RELA: variants seen among roughly 807,000 people sequenced by gnomAD.
RELA encodes transcription factor p65.
A neutral mutation model predicts 56.7 loss-of-function variants in RELA; 14 were observed. That is an observed-to-expected ratio of 0.25 (90% CI 0.16 to 0.39). The LOEUF (loss-of-function observed/expected upper bound fraction) is 0.39. Among genes scored for constraint, RELA ranks in the 10% least tolerant of loss-of-function variants. The pLI is 1.00. For missense variants in RELA, 559 were observed against 736.4 expected (o/e 0.76, Z 2.79); for synonymous variants, 315 against 289.7 (o/e 1.09, Z -0.89).
At chr11:65,662,703 G>T in intron 1 of RELA, 123 bp downstream of exon 1, 1 of 777,180 alleles carries the variant, frequency 1.3e-6, no homozygotes, top group Non-Finnish European at 1.7e-6. Flanking sequence ...CCATCCGGCA[G>T]GCCGACCGCT....
intron 8 of RELA, among the ~76,000 whole-genome samples, chr11:65,656,291 T>C (rs1042850350): frequency 6.6e-6 from 1 of 152,196 alleles, no homozygotes; most frequent in Admixed American, 6.5e-5. Flanking sequence ...GAGAATTTCT[T>C]GGCACTCTGG....
chr11:65,659,580 G>A (rs1856511606), intron 6 of RELA, 86 bp downstream of exon 6: 11 of 1,502,314 alleles, frequency 7.3e-6, no homozygotes, highest in East Asian at 4.5e-5. Context: ...AAGCCAGAGC[G>A]CCTCTTGCAG....
At position 65,654,703 on chromosome 11, in the gene RELA, T is replaced by C. The variant is rs1490573963; in HGVS notation, c.1331A>G (p.Gln444Arg). ...GTLSEALLQL[Q>R]FDDEDLGALL... is the part of the protein sequence containing the mutation. ...GGCCCCCAGGTCTTCATCATCAAAC[T>C]GCAGCTGCAGCAGGGCCTCTGACAG... Residue 444 changes from glutamine to arginine, a missense_variant, in exon 11 of 11, where the codon CAG (glutamine) becomes CGG (arginine). Gln to Arg is a conservative substitution (Grantham distance 43). Coordinates refer to ENST00000406246, the MANE Select transcript of RELA (RefSeq NM_021975.4). 6.5e-7 allele frequency: 1 copy of C among 1,540,574 alleles called. No homozygotes were observed. The highest frequency in any genetic ancestry group is 2.1e-5 in the Admixed American group (1 of 48,206).
chr11:65,660,143 G>T lies in RELA; in HGVS notation c.408C>A (p.Thr136=), dbSNP rs1565191458. ...CCTCACCTTGGAAGGGGTTGTTGTT[G>T]GTCTGGATGCGCTGACTGATAGCCT... ...LEQAISQRIQ[T]NNNPFQVPIE... The change falls in exon 5 of 11, where the codon ACC becomes ACA. Residue 136 remains threonine (T), a synonymous_variant. Transcript: ENST00000406246. 1 of 1,614,110 alleles carries T rather than the reference G, an allele frequency of 6.2e-7. No individual in the cohort carries two copies. The highest frequency in any genetic ancestry group is 1.7e-5 in the Admixed American group (1 of 60,012).
At position 65,658,528 on chromosome 11, in the gene RELA, C is replaced by T. The variant is rs926660373; in HGVS notation, c.665-29G>A. 8 of 1,552,634 alleles carry T rather than the reference C, an allele frequency of 5.2e-6. No homozygotes were observed. The African/African-American group carries it at 5.4e-5, about 11-fold the overall frequency. The stretch of plus-strand genomic sequence containing the variant: ...CAGGAGATGCGGTGGCAGTGTGGGT[C>T]AGTGTGTCTAACCCTCCATGGTCTC... On this transcript the variant is annotated intron_variant, in intron 7 of 10. Transcript: ENST00000406246. This position sits in a 1 kb window ranked among gnomAD's most constrained non-coding sequence, Gnocchi z 4.5.
chr11:65,662,480 C>T, intron 1 of RELA: 1 of 482,844 alleles, frequency 2.1e-6, no homozygotes, highest in Non-Finnish European at 3.6e-6. Context: ...GGAGGGCACG[C>T]CCCACCTCCC....
chr11:65,662,327 T>A lies in RELA; in HGVS notation c.8-122A>T, dbSNP rs934963581. ...CCAGGGGAACTGAGTCAGGACCTGC[T>A]CCCTAGAACCTGCGGTGAAACTAAG... On this transcript the variant is annotated intron_variant, in intron 1 of 10. Coordinates refer to ENST00000406246, the MANE Select transcript of RELA (RefSeq NM_021975.4). 10 of 1,197,788 alleles carry A rather than the reference T, an allele frequency of 8.3e-6. No homozygotes were observed. In the African/African-American group the frequency reaches 1.6e-4, roughly 19 times the overall value. The allele number at this position is 1,197,788 out of a possible 1,614,324, so 74.2% of individuals were successfully genotyped here.
Position 65,661,920 on chromosome 11 carries a change from C to T in RELA, c.186+17G>A. ...GTTCCACAGTCCCTTCCCCGCACACCCTGGCGCAGTGCTGACCTTGATGGT... is the reference window on the plus strand; with the variant it reads ...GTTCCACAGTCCCTTCCCCGCACACTCTGGCGCAGTGCTGACCTTGATGGT... On this transcript the variant is annotated intron_variant, in intron 3 of 10. Transcript: ENST00000406246. 1.2e-6 allele frequency: 2 copies of T among 1,611,352 alleles called. No individual in the cohort carries two copies. The highest frequency in any genetic ancestry group is 1.1e-5 in the South Asian group (1 of 90,774).
rs1364264206 is a variant in RELA at position 65,654,376 on chromosome 11, C to A, written c.*2G>T. The A allele has an allele frequency of 1.2e-6, 2 of 1,613,630 alleles. No homozygotes were observed. Among genetic ancestry groups the A allele is most frequent in the Non-Finnish European group, 1.7e-6 (2 of 1,179,850 alleles). ...GCTCTGGGGAGGGCAGGCGTCACCCCCTTAGGAGCTGATCTGACTCAGCAG... is the reference window on the plus strand; with the variant it reads ...GCTCTGGGGAGGGCAGGCGTCACCCACTTAGGAGCTGATCTGACTCAGCAG... On this transcript the variant is annotated 3_prime_UTR_variant, in exon 11 of 11. Coordinates refer to ENST00000406246, the MANE Select transcript of RELA (RefSeq NM_021975.4).
rs1856404928 is a variant in RELA, at chr11:65,655,682, C to A, written c.1033+6G>T. On this transcript the variant is annotated splice_donor_region_variant and intron_variant, in intron 10 of 10. Coordinates refer to ENST00000406246, the MANE Select transcript of RELA (RefSeq NM_021975.4). ...TCGTTCCAGTGGGACAAAAGGAAAT[C>A]CTTACCTGGCTTGGGGACAGAAGCT... 1.2e-6 allele frequency: 2 copies of A among 1,610,288 alleles called. No homozygotes were observed. Among genetic ancestry groups the A allele is most frequent in the African/African-American group, 2.7e-5 (2 of 74,874 alleles).
Position 65,659,639 on chromosome 11 carries a change from C to T in RELA, c.559+27G>A. 2.5e-6 allele frequency: 4 copies of T among 1,612,580 alleles called. 2 individuals are homozygous for T. In the South Asian group the frequency reaches 4.4e-5, roughly 18 times the overall value. ...CCTCCTATTCAGGCCCACCCTCTCC[C>T]CTTCCTGCGTCTCCCTCGCTACTCA... On this transcript the variant is annotated intron_variant, in intron 6 of 10. Coordinates refer to ENST00000406246, the MANE Select transcript of RELA (RefSeq NM_021975.4).
At chr11:65,660,495 A>ACTCATTCCCACCTCC in intron 4 of RELA, 2 of 412,904 alleles carry the variant, frequency 4.8e-6, no homozygotes. Context: ...TTCCCACCTC[A>ACTCATTCCCACCTCC]AGGCCTTTGC....
chr11:65,660,564 A>C, intron 4 of RELA: 2 of 270,256 alleles, frequency 7.4e-6, no homozygotes, highest in Non-Finnish European at 7.1e-6. Context: ...CTCACCATTC[A>C]AGTCTTAGCT....
chr11:65,660,965 G>C (rs1184838734), intron 4 of RELA, among the ~76,000 whole-genome samples: 2 of 151,452 alleles, frequency 1.3e-5, no homozygotes, highest in African/African-American at 2.4e-5. Flanking sequence ...CATGAACCCG[G>C]AAGGTGGAGG....
chr11:65,659,880 G>A (rs1856521557), intron 5 of RELA, 83 bp from the exon 6 acceptor site: 4 of 1,498,590 alleles, frequency 2.7e-6, no homozygotes, highest in African/African-American at 1.4e-5. Flanking sequence ...TCTGCGCTGG[G>A]AGGGCCGCTG....
At chr11:65,657,181 G>T (rs1346401461) in intron 8 of RELA, among the ~76,000 whole-genome samples, 1 of 152,138 alleles carries the variant, frequency 6.6e-6, no homozygotes, top group African/African-American at 2.4e-5. Flanking sequence ...TGAGCCACTT[G>T]CATTAAAACC....
Position 65,658,297 on chromosome 11 carries a change from C to A in RELA, c.867G>T (p.Leu289=). 1.3e-6 allele frequency: 2 copies of A among 1,598,418 alleles called. No homozygotes were observed. The highest frequency in any genetic ancestry group is 1.7e-6 in the Non-Finnish European group (2 of 1,173,508). Residue 289 remains leucine, a synonymous_variant, in exon 8 of 11, where the codon CTG becomes CTT. Transcript: ENST00000406246. This position sits in a 1 kb window ranked among gnomAD's most constrained non-coding sequence, Gnocchi z 4.5. ...ACCCCAGCTGTGTACCTGTATCTGG[C>A]AGGTACTGGAATTCCATGGGCTCAC... ...ELSEPMEFQY[L]PDTDDRHRIE...
At chr11:65,656,341 C>A (rs1565189242) in intron 8 of RELA, among the ~76,000 whole-genome samples, 1 of 152,208 alleles carries the variant, frequency 6.6e-6, no homozygotes, top group Non-Finnish European at 1.5e-5. Context: ...TCAGCAGAGA[C>A]TCTTATTCTT....
chr11:65,662,324 T>C, intron 1 of RELA, 119 bp from the exon 2 acceptor site: 1 of 1,240,358 alleles, frequency 8.1e-7, no homozygotes, highest in South Asian at 1.8e-5. Context: ...AGTCAGGACC[T>C]GCTCCCTAGA....
Sources: gnomAD v4.1 joint callset for allele counts (sites outside exome capture counted in the v4.1 genomes callset) on GRCh38, gnomAD v4.1.1 for gene constraint, Gnocchi (gnomAD v3.1) non-coding constraint, MANE v1.5 for transcripts, NCBI Gene and HGNC (gene_info 2026-07-23, HGNC 2026-07-21) for gene names.